SGCD: variants seen among roughly 807,000 people sequenced by gnomAD.
The protein encoded by SGCD is sarcoglycan delta, also known as delta-sarcoglycan.
Under a neutral mutation model 36.6 loss-of-function variants are expected in SGCD, and 18 were observed. The ratio of observed to expected loss-of-function variants is 0.49; its 90% CI spans 0.34 to 0.73. The LOEUF (loss-of-function observed/expected upper bound fraction) is 0.73, where lower values mean the gene tolerates loss of function less well. Among genes scored for constraint, SGCD ranks in the 30% least tolerant of loss-of-function variants. SGCD has a pLI of 0.01. For synonymous variants in SGCD, 133 were observed against 130.6 expected (o/e 1.02, Z -0.12); for missense variants, 387 against 346.7 (o/e 1.12, Z -0.92).
At chr5:155,747,129 A>G in the SGCD span, among the ~76,000 whole-genome samples, 1 of 152,218 alleles carries the variant, frequency 6.6e-6, no homozygotes, top group Non-Finnish European at 1.5e-5. Context: ...TTGAATTTTG[A>G]TAAAAACAAT....
At chr5:156,494,348 T>C (rs1023336572) in intron 3 of SGCD, among the ~76,000 whole-genome samples, 4 of 151,534 alleles carry the variant, frequency 2.6e-5, no homozygotes, top group African/African-American at 9.7e-5. Flanking sequence ...TTTTTTTTTT[T>C]TTTGAGGACT....
intron 3 of SGCD, among the ~76,000 whole-genome samples, chr5:156,370,782 A>T (rs1047533373): frequency 5.3e-5 from 8 of 152,156 alleles, no homozygotes; most frequent in Non-Finnish European, 2.9e-5. Flanking sequence ...GGAGCAAAAA[A>T]ACAAAAAGTA....
chr5:156,750,918 A>G (rs1436793261), intron 7 of SGCD, among the ~76,000 whole-genome samples: 1 of 152,226 alleles, frequency 6.6e-6, no homozygotes, highest in Non-Finnish European at 1.5e-5. Context: ...ATTGAAATAC[A>G]TCAAATAAAA....
At chr5:155,813,156 G>C in the SGCD span, among the ~76,000 whole-genome samples, 1 of 151,940 alleles carries the variant, frequency 6.6e-6, no homozygotes, top group Non-Finnish European at 1.5e-5. Context: ...GAGGGGATGC[G>C]AGAGGAGGTT....
chr5:156,423,226 ATTGTATTATATTATATTTTATAATAT>A (rs1773441339), intron 3 of SGCD, among the ~76,000 whole-genome samples: 1 of 7,498 alleles, frequency 1.3e-4, no homozygotes, highest in Non-Finnish European at 3.5e-4. Flanking sequence ...AATATAATAT[ATTGTATTATATTATATTTTATAATAT>A]TATATTTTAT....
chr5:156,100,658 T>C (rs377662833), intron 1 of SGCD, among the ~76,000 whole-genome samples: 2 of 152,312 alleles, frequency 1.3e-5, no homozygotes, highest in South Asian at 4.1e-4. Flanking sequence ...GGTTTTAAAA[T>C]AGACAAATTA....
In SGCD at chr5:156,357,788, A is replaced by T. The variant is rs182474760; in HGVS notation, c.192+13111A>T. ...CTGAATGCTTGTGTAGATAAAAATTATGCATTTTGACCGGCTTTTAATTAC... is the reference window on the plus strand; with the variant it reads ...CTGAATGCTTGTGTAGATAAAAATTTTGCATTTTGACCGGCTTTTAATTAC... On this transcript the variant is annotated intron_variant, in intron 3 of 8. Transcript: ENST00000337851. Among the ~76,000 whole-genome samples, 147 of 151,964 alleles carry T rather than the reference A, an allele frequency of 9.7e-4. 1 individual carries two copies. The highest frequency in any genetic ancestry group is 3.4e-3 in the African/African-American group (142 of 41,430).
At chr5:155,803,371 G>A in the SGCD span, among the ~76,000 whole-genome samples, 1 of 152,200 alleles carries the variant, frequency 6.6e-6, no homozygotes, top group Non-Finnish European at 1.5e-5. Context: ...GCAGCAGTTG[G>A]GACCATGGAG....
rs1554107842 is a variant in SGCD, at chr5:156,487,813, A to AAAAAAAAAAAAGAAAAAG, written c.193-20785_193-20784insAAAAAAAAGAAAAAGAAA. Among the ~76,000 whole-genome samples, 420 of 77,744 alleles carry AAAAAAAAAAAAGAAAAAG rather than the reference A, an allele frequency of 5.4e-3. 41 individuals are homozygous for AAAAAAAAAAAAGAAAAAG. The highest frequency in any genetic ancestry group is 7.3e-3 in the Non-Finnish European group (293 of 40,052). 51.0% of individuals were successfully genotyped at this position (77,744 alleles called of 152,430 possible). On this transcript the variant is annotated intron_variant, in intron 3 of 8. Coordinates refer to ENST00000337851, the MANE Select transcript of SGCD (RefSeq NM_000337.6). ...CAAAAAAAAAAAAAAAAAAAAAAAA[A>AAAAAAAAAAAAGAAAAAG]AAAGAAAGAAAGAAAAAGCTTAACA...
the SGCD span, among the ~76,000 whole-genome samples, chr5:155,737,040 G>T: frequency 2.0e-5 from 3 of 152,216 alleles, no homozygotes; most frequent in Non-Finnish European, 2.9e-5. Flanking sequence ...CAAGCTGAGG[G>T]TTGGGCAAGT....
intron 7 of SGCD, among the ~76,000 whole-genome samples, chr5:156,744,607 G>C (rs1228616871): frequency 6.6e-6 from 1 of 152,122 alleles, no homozygotes; most frequent in African/African-American, 2.4e-5. Flanking sequence ...ACCTTACCTA[G>C]ATTGTTTAAC....
intron 3 of SGCD, among the ~76,000 whole-genome samples, chr5:156,506,981 C>T (rs1200300134): frequency 2.0e-5 from 3 of 152,152 alleles, no homozygotes; most frequent in Non-Finnish European, 4.4e-5. Flanking sequence ...TAGGCAAAGA[C>T]TACATTGGCT....
At chr5:155,991,018 C>G (rs1758421950) in intron 1 of SGCD, among the ~76,000 whole-genome samples, 1 of 152,122 alleles carries the variant, frequency 6.6e-6, no homozygotes, top group Non-Finnish European at 1.5e-5. Flanking sequence ...TTCAGTGGTT[C>G]TGGGGTAGGG....
At chr5:156,096,296 G>A (rs1217924380) in intron 1 of SGCD, among the ~76,000 whole-genome samples, 1 of 152,204 alleles carries the variant, frequency 6.6e-6, no homozygotes, top group Non-Finnish European at 1.5e-5. Context: ...TGCAGGTTCA[G>A]CTGCCTGCTA....
At chr5:156,294,126 A>C (rs1766833162) in intron 3 of SGCD, among the ~76,000 whole-genome samples, 1 of 151,826 alleles carries the variant, frequency 6.6e-6, no homozygotes, top group African/African-American at 2.4e-5. Flanking sequence ...GTTTTCTTTC[A>C]TTTTTGAATT....
intron 1 of SGCD, among the ~76,000 whole-genome samples, chr5:155,890,294 A>G (rs1181995280): frequency 6.6e-6 from 1 of 152,168 alleles, no homozygotes; most frequent in East Asian, 1.9e-4. Context: ...GGGAAAAGAA[A>G]TTCATTAGAA....
rs548387863 is a variant in SGCD at position 156,074,792 on chromosome 5, A to G, written c.-281-43086A>G. 6.6e-4 allele frequency among the ~76,000 whole-genome samples: 100 copies of G among 152,260 alleles called. 1 individual carries two copies. The highest frequency in any genetic ancestry group is 5.0e-4 in the Non-Finnish European group (34 of 68,048). On this transcript the variant is annotated intron_variant, in intron 1 of 9. Coordinates refer to the SGCD transcript ENST00000517913. ...TTTGCACAATAAAATAGGTGATAAT[A>G]GCATTCATGTTTTTGCAGGATAAAC...
intron 1 of SGCD, among the ~76,000 whole-genome samples, chr5:156,091,886 A>G (rs1454409064): frequency 1.3e-5 from 2 of 152,212 alleles, no homozygotes; most frequent in Non-Finnish European, 2.9e-5. Context: ...GCCACTGCCT[A>G]AAGGCAGGGG....
At chr5:156,713,173 G>T (rs552709239) in intron 7 of SGCD, among the ~76,000 whole-genome samples, 10 of 152,184 alleles carry the variant, frequency 6.6e-5, no homozygotes, top group Admixed American at 3.9e-4. Context: ...GACTTGGCTA[G>T]GTAGGACAGA....
Sources: allele counts gnomAD v4.1 joint callset (sites outside exome capture counted in the v4.1 genomes callset), GRCh38; gene constraint gnomAD v4.1.1; transcripts MANE v1.5; gene names NCBI Gene and HGNC (gene_info 2026-07-23, HGNC 2026-07-21).